LAMA2: variants seen among roughly 807,000 people sequenced by gnomAD.
The protein encoded by LAMA2 is laminin subunit alpha-2.
A neutral mutation model predicts 364.8 loss-of-function variants in LAMA2; 269 were observed. The ratio of observed to expected loss-of-function variants is 0.74; its 90% CI spans 0.67 to 0.82. LAMA2 has a LOEUF of 0.82. LAMA2 is among the 40% of genes least tolerant of loss of function. The pLI is 0.00. For synonymous variants in LAMA2, 1,379 were observed against 1,370.6 expected (o/e 1.01, Z -0.14); for missense variants, 3,807 against 3,873.2 (o/e 0.98, Z 0.45).
intron 17 of LAMA2, among the ~76,000 whole-genome samples, chr6:129,278,968 CA>C (rs1344861730): frequency 4.6e-5 from 7 of 152,116 alleles, no homozygotes; most frequent in African/African-American, 1.7e-4. Context: ...GAAAGTATTT[CA>C]AAGTAATTCA....
intron 56 of LAMA2, chr6:129,490,639 G>A (rs1784814301): frequency 6.6e-6 from 1 of 152,084 alleles, no homozygotes; most frequent in South Asian, 2.1e-4. Flanking sequence ...AAGAGTGTAG[G>A]GGAGGGGCTT....
intron 4 of LAMA2, among the ~76,000 whole-genome samples, chr6:129,100,771 C>G (rs1056303328): frequency 3.9e-5 from 6 of 152,094 alleles, no homozygotes; most frequent in Non-Finnish European, 5.9e-5. Flanking sequence ...ATTAGAAGAC[C>G]TGGATTCTGG....
chr6:129,375,055 T>C (rs1263027537), intron 34 of LAMA2, among the ~76,000 whole-genome samples: 2 of 152,136 alleles, frequency 1.3e-5, no homozygotes, highest in East Asian at 3.9e-4. Flanking sequence ...TGTTTTTAAA[T>C]GGAGAAATCT....
chr6:129,323,536 G>T (rs1051857720), intron 28 of LAMA2, among the ~76,000 whole-genome samples: 1 of 151,992 alleles, frequency 6.6e-6, no homozygotes, highest in Non-Finnish European at 1.5e-5. Flanking sequence ...TGCAGAAGGG[G>T]CCAGATTACC....
intron 29 of LAMA2, among the ~76,000 whole-genome samples, chr6:129,333,914 A>C (rs1303713921): frequency 6.6e-6 from 1 of 152,184 alleles, no homozygotes; most frequent in Non-Finnish European, 1.5e-5. Context: ...GTTCTCTAAG[A>C]ATTCTAAAAG....
chr6:129,227,746 G>T (rs1024356046), intron 12 of LAMA2, among the ~76,000 whole-genome samples: 6 of 152,192 alleles, frequency 3.9e-5, no homozygotes, highest in Admixed American at 3.3e-4. Context: ...CTACTGGGTG[G>T]TGCCTCACAG....
At chr6:129,387,902 G>T (rs1385850019) in intron 35 of LAMA2, among the ~76,000 whole-genome samples, 2 of 152,172 alleles carry the variant, frequency 1.3e-5, no homozygotes, top group Non-Finnish European at 2.9e-5. Context: ...GTCTATTGGG[G>T]GTTGTGGGGA....
chr6:129,056,191 GAT>G (rs1788476450), intron 2 of LAMA2, among the ~76,000 whole-genome samples: 1 of 152,118 alleles, frequency 6.6e-6, no homozygotes, highest in African/African-American at 2.4e-5. Context: ...TGTTTTCTGT[GAT>G]ATTTATTTTT....
chr6:128,918,000 G>T (rs995678915), intron 1 of LAMA2, among the ~76,000 whole-genome samples: 1 of 151,568 alleles, frequency 6.6e-6, no homozygotes, highest in South Asian at 2.1e-4. Context: ...CATAGTGCTA[G>T]GATTATAGGC....
Position 128,933,894 on chromosome 6 carries a change from T to C in LAMA2, c.112+50537T>C, listed in dbSNP as rs570192397. Among the ~76,000 whole-genome samples the C allele has an allele frequency of 3.1e-3, 473 of 152,334 alleles. 1 individual carries two copies. Among genetic ancestry groups the C allele is most frequent in the African/African-American group, 9.6e-3 (399 of 41,576 alleles). ...ATATTATCCCATACCACAACTTGCCTTTTTATTTTGTTGATTGTATCCTCT... is the reference window on the plus strand; with the variant it reads ...ATATTATCCCATACCACAACTTGCCCTTTTATTTTGTTGATTGTATCCTCT... On this transcript the variant is annotated intron_variant, in intron 1 of 64. Coordinates refer to ENST00000421865, the MANE Select transcript of LAMA2 (RefSeq NM_000426.4).
At chr6:129,477,267 C>T (rs1375171301) in intron 53 of LAMA2, among the ~76,000 whole-genome samples, 1 of 151,722 alleles carries the variant, frequency 6.6e-6, no homozygotes, top group African/African-American at 2.4e-5. Flanking sequence ...GTCCTAATAG[C>T]CACATGTGGC....
chr6:129,413,917 A>T (rs566367058), intron 40 of LAMA2, among the ~76,000 whole-genome samples: 22 of 152,320 alleles, frequency 1.4e-4, no homozygotes, highest in African/African-American at 5.3e-4. Context: ...AAGGAAAGGC[A>T]TTAGACAGGG....
At chr6:129,266,983 G>A (rs1690294706) in intron 15 of LAMA2, 123 bp from the exon 16 acceptor site, 1 of 766,936 alleles carries the variant, frequency 1.3e-6, no homozygotes. Flanking sequence ...GCAATGCTTT[G>A]ACAAGCACAT....
intron 34 of LAMA2, among the ~76,000 whole-genome samples, chr6:129,372,790 C>T (rs2114633321): frequency 6.6e-6 from 1 of 152,288 alleles, no homozygotes; most frequent in South Asian, 2.1e-4. Context: ...TTCTGTTGCT[C>T]CACATCCTCA....
At chr6:129,157,203 C>A (rs1779165206) in intron 8 of LAMA2, among the ~76,000 whole-genome samples, 1 of 152,076 alleles carries the variant, frequency 6.6e-6, no homozygotes, top group Non-Finnish European at 1.5e-5. Context: ...TATGAACAGG[C>A]AATTCAGTAC....
At chr6:129,413,099 A>T (rs1435398302) in intron 40 of LAMA2, among the ~76,000 whole-genome samples, 1 of 152,238 alleles carries the variant, frequency 6.6e-6, no homozygotes, top group Non-Finnish European at 1.5e-5. Flanking sequence ...AGAAAGACTG[A>T]AAATGAGAGA....
intron 28 of LAMA2, among the ~76,000 whole-genome samples, chr6:129,320,934 A>G (rs1774927630): frequency 6.6e-6 from 1 of 152,168 alleles, no homozygotes; most frequent in Non-Finnish European, 1.5e-5. Flanking sequence ...TAGCTGATCT[A>G]TTTTCTTGGA....
rs570973631 is a variant in LAMA2, at chr6:129,279,358, T to A, written c.2451-703T>A. 1.8e-4 allele frequency among the ~76,000 whole-genome samples: 28 copies of A among 152,324 alleles called. 1 individual carries two copies. The South Asian group carries it at 5.8e-3, about 32-fold the overall frequency. The stretch of plus-strand genomic sequence containing the variant: ...ACCTGAGTTCTCTGTTGGTTCTTCA[T>A]CTGGTGTTCAGCTCTATTGCTTCAG... On this transcript the variant is annotated intron_variant, in intron 17 of 64. Coordinates refer to ENST00000421865, the MANE Select transcript of LAMA2 (RefSeq NM_000426.4).
intron 4 of LAMA2, among the ~76,000 whole-genome samples, chr6:129,111,925 G>C (rs1003455442): frequency 6.6e-6 from 1 of 151,994 alleles, no homozygotes; most frequent in African/African-American, 2.4e-5. Context: ...GTTACCAGTA[G>C]TAAGTTTGGG....
Sources: gnomAD v4.1 joint callset for allele counts (sites outside exome capture counted in the v4.1 genomes callset) on GRCh38, gnomAD v4.1.1 for gene constraint, MANE v1.5 for transcripts, NCBI Gene and HGNC (gene_info 2026-07-23, HGNC 2026-07-21) for gene names.